Variants in TBC1D4 observed in about 807,000 individuals in gnomAD.
TBC1D4 encodes TBC (Tre-2, BUB2, CDC16) domain-containing protein.
In TBC1D4, 121 loss-of-function variants were observed where a neutral mutation model predicts 142.5. That is an observed-to-expected ratio of 0.85 (90% CI 0.73 to 0.99). The LOEUF (loss-of-function observed/expected upper bound fraction) is 0.99. Among genes scored for constraint, TBC1D4 ranks in the 50% least tolerant of loss-of-function variants. TBC1D4 has a pLI of 0.00. For missense variants in TBC1D4, 1,475 were observed against 1,606.6 expected (o/e 0.92, Z 1.40); for synonymous variants, 630 against 628.2 (o/e 1.00, Z -0.04).
intron 1 of TBC1D4, among the ~76,000 whole-genome samples, chr13:75,391,195 T>TACACAC (rs111629817): frequency 0.067 from 9,459 of 141,878 alleles, 451 homozygotes; most frequent in East Asian, 0.26. Context: ...CCCATCAGTT[T>TACACAC]ACACACACAC....
At chr13:75,430,613 C>A (rs575112506) in intron 1 of TBC1D4, among the ~76,000 whole-genome samples, 3 of 152,304 alleles carry the variant, frequency 2.0e-5, no homozygotes, top group African/African-American at 7.2e-5. Flanking sequence ...CAGCTTAGTA[C>A]TCCAGGCTCA....
rs751082401 is a variant in TBC1D4 at position 75,283,667 on chromosome 13, C to A, written c.*3125G>T. Among the ~76,000 whole-genome samples, 1 of 152,106 alleles carries A rather than the reference C, an allele frequency of 6.6e-6. No homozygotes were observed. Among genetic ancestry groups the A allele is most frequent in the Non-Finnish European group, 1.5e-5 (1 of 68,022 alleles). ...CTTGTGGCTCTCTCTCCCTTGCTATCTATGAGGGGGCCTGGAAAATAAAAG... is the reference window on the plus strand; with the variant it reads ...CTTGTGGCTCTCTCTCCCTTGCTATATATGAGGGGGCCTGGAAAATAAAAG... On this transcript the variant is annotated 3_prime_UTR_variant, in exon 21 of 21. Transcript: ENST00000377636.
chr13:75,445,015 C>A (rs1425147353), intron 1 of TBC1D4, among the ~76,000 whole-genome samples: 1 of 151,962 alleles, frequency 6.6e-6, no homozygotes, highest in Non-Finnish European at 1.5e-5. Flanking sequence ...AAATAACACC[C>A]CCAAAAAAGT....
chr13:75,363,077 A>AT (rs1882668008), intron 1 of TBC1D4, among the ~76,000 whole-genome samples: 1 of 152,188 alleles, frequency 6.6e-6, no homozygotes. Flanking sequence ...AGATACCACT[A>AT]TATACCTCTT....
At position 75,292,991 on chromosome 13, in the gene TBC1D4, C is replaced by T. The variant is rs146797183; in HGVS notation, c.3317-720G>A. Among the ~76,000 whole-genome samples the T allele has an allele frequency of 8.0e-3, 1,223 of 152,038 alleles. 12 individuals are homozygous for T. Among genetic ancestry groups the T allele is most frequent in the East Asian group, 0.03 (154 of 5,168 alleles). On this transcript the variant is annotated intron_variant, in intron 18 of 20. Coordinates refer to ENST00000377636, the MANE Select transcript of TBC1D4 (RefSeq NM_014832.5). The stretch of plus-strand genomic sequence containing the variant: ...TCAACATGGTGAAACCCCGTCTCTA[C>T]GAAAAATACAAAAATTAGCTGAGTG...
chr13:75,437,593 T>A (rs1278350925), intron 1 of TBC1D4, among the ~76,000 whole-genome samples: 9 of 137,018 alleles, frequency 6.6e-5, no homozygotes, highest in Non-Finnish European at 1.4e-4. Context: ...CTATTCTCAT[T>A]ATAAACTTTT....
chr13:75,382,256 G>A (rs189490471), intron 1 of TBC1D4, among the ~76,000 whole-genome samples: 23 of 152,308 alleles, frequency 1.5e-4, no homozygotes, highest in Admixed American at 3.3e-4. Flanking sequence ...GGTTTAACCT[G>A]TGAGTGTCCA....
intron 1 of TBC1D4, among the ~76,000 whole-genome samples, chr13:75,427,447 G>A (rs1295881631): frequency 6.6e-6 from 1 of 152,164 alleles, no homozygotes; most frequent in Non-Finnish European, 1.5e-5. Context: ...GGTCAAAGCG[G>A]GAGGATCACT....
intron 1 of TBC1D4, among the ~76,000 whole-genome samples, chr13:75,461,220 G>C (rs748414745): frequency 6.6e-6 from 1 of 152,198 alleles, no homozygotes; most frequent in Non-Finnish European, 1.5e-5. Flanking sequence ...ATTCAGTTGA[G>C]CCACTTTTTA....
At chr13:75,421,858 T>C (rs1015367578) in intron 1 of TBC1D4, among the ~76,000 whole-genome samples, 2 of 85,472 alleles carry the variant, frequency 2.3e-5, no homozygotes, top group African/African-American at 4.6e-5. Flanking sequence ...TCACTGATAC[T>C]GAGATGAAGC....
intron 8 of TBC1D4, among the ~76,000 whole-genome samples, chr13:75,333,872 A>G (rs1195348814): frequency 6.6e-6 from 1 of 152,152 alleles, no homozygotes; most frequent in Non-Finnish European, 1.5e-5. Context: ...GTTATTTTGT[A>G]GACTCCACCT....
intron 1 of TBC1D4, among the ~76,000 whole-genome samples, chr13:75,411,429 C>G (rs1885654154): frequency 6.6e-6 from 1 of 152,120 alleles, no homozygotes; most frequent in Non-Finnish European, 1.5e-5. Context: ...TGCCAAGGGC[C>G]ATTTGGTTAA....
At chr13:75,347,041 T>C (rs1881206001) in intron 5 of TBC1D4, among the ~76,000 whole-genome samples, 1 of 152,214 alleles carries the variant, frequency 6.6e-6, no homozygotes, top group Non-Finnish European at 1.5e-5. Context: ...AAAGTTTTTC[T>C]TATCAAGACA....
At chr13:75,327,114 A>G (rs1317734869) in intron 9 of TBC1D4, among the ~76,000 whole-genome samples, 2 of 152,218 alleles carry the variant, frequency 1.3e-5, no homozygotes, top group African/African-American at 4.8e-5. Flanking sequence ...CTCAATTTAG[A>G]CAGGTATGCT....
At chr13:75,317,900 A>G (rs1214299571) in intron 12 of TBC1D4, among the ~76,000 whole-genome samples, 1 of 152,180 alleles carries the variant, frequency 6.6e-6, no homozygotes, top group Non-Finnish European at 1.5e-5. Context: ...ATATCCCCCA[A>G]TATAGGGTAG....
chr13:75,341,088 A>G, intron 7 of TBC1D4, 37 bp downstream of exon 7: 1 of 1,581,250 alleles, frequency 6.3e-7, no homozygotes, highest in Non-Finnish European at 8.7e-7. Context: ...TTATTAAACA[A>G]CAACAAAAGT....
chr13:75,372,935 C>T (rs5021641), intron 1 of TBC1D4, among the ~76,000 whole-genome samples: 7 of 151,918 alleles, frequency 4.6e-5, no homozygotes, highest in East Asian at 1.9e-4. Flanking sequence ...AGGAAACATA[C>T]GTCTTGGTCC....
intron 1 of TBC1D4, among the ~76,000 whole-genome samples, chr13:75,366,015 G>C (rs1212279221): frequency 6.6e-6 from 1 of 152,192 alleles, no homozygotes; most frequent in Non-Finnish European, 1.5e-5. Context: ...AAACTAGGAA[G>C]TGACGGTATG....
chr13:75,433,483 A>G (rs1200330483), intron 1 of TBC1D4, among the ~76,000 whole-genome samples: 1 of 152,212 alleles, frequency 6.6e-6, no homozygotes, highest in Admixed American at 6.5e-5. Context: ...AGAAATGAAA[A>G]TACAAGATGC....
Sources: allele counts gnomAD v4.1 joint callset (sites outside exome capture counted in the v4.1 genomes callset), GRCh38; gene constraint gnomAD v4.1.1; transcripts MANE v1.5; gene names NCBI Gene and HGNC (gene_info 2026-07-23, HGNC 2026-07-21).